TOP3A: variants seen among roughly 807,000 people sequenced by gnomAD.
The protein encoded by TOP3A is DNA topoisomerase 3-alpha.
In TOP3A, 64 loss-of-function variants were observed where a neutral mutation model predicts 111.3. The observed-to-expected ratio is 0.57, with a 90% CI of 0.47 to 0.71. The LOEUF (loss-of-function observed/expected upper bound fraction) is 0.71, where lower values mean the gene tolerates loss of function less well. Ranked by LOEUF, TOP3A falls within the 30% of genes least tolerant of loss-of-function variation. The probability of loss-of-function intolerance (pLI) is 0.00; values close to 1 mark genes in which losing one functional copy is unlikely to be tolerated. For synonymous variants in TOP3A, 484 were observed against 485.1 expected, an observed-to-expected ratio of 1.00 and a Z score of 0.03; for missense variants, 1,104 against 1,285.0, an observed-to-expected ratio of 0.86 and a Z score of 2.15.
chr17:18,291,130 A>T, intron 11 of TOP3A, 103 bp from the exon 12 acceptor site: 1 of 1,183,548 alleles, frequency 8.4e-7, no homozygotes, highest in Non-Finnish European at 1.2e-6. Flanking sequence ...AGAAGAGGCC[A>T]CACTGCTCCT....
chr17:18,312,472 T>G, intron 1 of TOP3A: 1 of 157,570 alleles, frequency 6.3e-6, no homozygotes, highest in Non-Finnish European at 1.4e-5. Context: ...CCTGCACCAC[T>G]GTCACCTTCA....
rs116687037 is a variant in TOP3A at position 18,273,532 on chromosome 17, G to A, written c.*1270C>T. On this transcript the variant is annotated 3_prime_UTR_variant, in exon 19 of 19. Transcript: ENST00000321105. The stretch of plus-strand genomic sequence containing the variant: ...AGAGGCTGACGAGACCTCCCAGGGT[G>A]AGCTCCTTCCAGCACTGGCTGGTAC... 6.0e-3 allele frequency among the ~76,000 whole-genome samples: 910 copies of A among 151,842 alleles called. 12 individuals carry two copies. Among genetic ancestry groups the A allele is most frequent in the African/African-American group, 0.02 (843 of 41,508 alleles).
At chr17:18,311,645 C>T (rs529643724) in intron 1 of TOP3A, among the ~76,000 whole-genome samples, 4 of 152,264 alleles carry the variant, frequency 2.6e-5, no homozygotes, top group East Asian at 3.9e-4. Context: ...CCATATTAGG[C>T]GTTAGGACAT....
rs1439144469 is a variant in TOP3A at position 18,273,720 on chromosome 17, C to T, written c.*1082G>A. Among the ~76,000 whole-genome samples the T allele has an allele frequency of 6.6e-6, 1 of 152,196 alleles. No individual in the cohort carries two copies. The highest frequency in any genetic ancestry group is 6.5e-5 in the Admixed American group (1 of 15,276). On this transcript the variant is annotated 3_prime_UTR_variant, in exon 19 of 19. Transcript: ENST00000321105. ...TCATGGCTTGCTGCAGCCTCAAACT[C>T]TTGGGTTCAAAGGATCCTCCCACTT... is the stretch of plus-strand genomic sequence containing the variant.
At chr17:18,281,339 A>G (rs1363225483) in intron 16 of TOP3A, among the ~76,000 whole-genome samples, 1 of 152,178 alleles carries the variant, frequency 6.6e-6, no homozygotes, top group African/African-American at 2.4e-5. Flanking sequence ...TAACAGATAA[A>G]TCATGGAGTG....
intron 3 of TOP3A, 97 bp downstream of exon 3, chr17:18,308,254 A>G (rs1378696749): frequency 2.2e-6 from 1 of 463,520 alleles, no homozygotes; most frequent in African/African-American, 2.2e-5. Context: ...AAAAAAAAAA[A>G]AAAAATTACC....
intron 18 of TOP3A, among the ~76,000 whole-genome samples, chr17:18,276,981 C>T (rs557771359): frequency 2.6e-5 from 4 of 152,176 alleles, no homozygotes; most frequent in East Asian, 1.9e-4. Flanking sequence ...AGGTGGAGTT[C>T]GAGACCAGCC....
In TOP3A at chr17:18,272,467, A is replaced by G. The variant is rs1221944100; in HGVS notation, c.*2335T>C. Among the ~76,000 whole-genome samples the G allele has an allele frequency of 2.0e-5, 3 of 152,242 alleles. No individual in the cohort carries two copies. Among genetic ancestry groups the G allele is most frequent in the Non-Finnish European group, 4.4e-5 (3 of 68,038 alleles). On this transcript the variant is annotated 3_prime_UTR_variant, in exon 19 of 19. Transcript: ENST00000321105. ...ACTGAAAACAAGTCATCAGACACTC[A>G]TACACCAATGTTCACAACAGTGCTA...
Position 18,277,652 on chromosome 17 carries a change from TC to T in TOP3A, c.2827+22del. ...ACACCTGAAAACTGAAGGCAGGGAT[TC>T]CCATGCCCCTCCCTGCCTCACCTGG... is the stretch of plus-strand genomic sequence containing the variant. On this transcript the variant is annotated intron_variant, in intron 18 of 18. Coordinates refer to ENST00000321105, the MANE Select transcript of TOP3A (RefSeq NM_004618.5). 3.2e-6 allele frequency: 5 copies of T among 1,584,960 alleles called. No individual in the cohort carries two copies. The South Asian group carries it at 4.5e-5, about 14-fold the overall frequency.
At chr17:18,294,922 CCAA>C (rs1043055371) in intron 9 of TOP3A, 137 bp from the exon 10 acceptor site, 11 of 628,370 alleles carry the variant, frequency 1.8e-5, no homozygotes, top group South Asian at 3.9e-5. Context: ...AAAAGGCTGC[CCAA>C]CAACGATTTC....
At position 18,302,355 on chromosome 17, in the gene TOP3A, G is replaced by A. The variant is rs746743474; in HGVS notation, c.723C>T (p.Tyr241=). Residue 241 remains tyrosine, a synonymous_variant, in exon 7 of 19, where the codon TAC becomes TAT. Transcript: ENST00000321105. ...PEVLAEQLIS[Y]GSCQFPTLGF... ...CCAGTGTGGGGAACTGGCAGCTGCCGTAACTGATGAGCTGCTCTGCCAGCA... is the reference window on the plus strand; with the variant it reads ...CCAGTGTGGGGAACTGGCAGCTGCCATAACTGATGAGCTGCTCTGCCAGCA... The A allele has an allele frequency of 1.7e-5, 27 of 1,613,336 alleles. No individual in the cohort carries two copies. The South Asian group carries it at 2.2e-4, about 13-fold the overall frequency.
chr17:18,297,952 G>A (rs1243082750), intron 9 of TOP3A, among the ~76,000 whole-genome samples: 10 of 149,976 alleles, frequency 6.7e-5, no homozygotes, highest in Admixed American at 4.0e-4. Context: ...GTCTCTGCCC[G>A]GCCGCCATCC....
intron 8 of TOP3A, 120 bp downstream of exon 8, chr17:18,301,765 C>T: frequency 1.3e-6 from 1 of 766,520 alleles, no homozygotes; most frequent in South Asian, 1.9e-5. Flanking sequence ...AAAAGTGATC[C>T]CCTGAGATGC....
chr17:18,291,738 CAG>C (rs1163341995), intron 11 of TOP3A, among the ~76,000 whole-genome samples: 5 of 151,414 alleles, frequency 3.3e-5, no homozygotes, highest in Non-Finnish European at 7.4e-5. Context: ...TTTTCCGAGA[CAG>C]AGTCTCACTC....
At chr17:18,300,083 A>T (rs1981130361) in intron 8 of TOP3A, among the ~76,000 whole-genome samples, 1 of 152,182 alleles carries the variant, frequency 6.6e-6, no homozygotes, top group Non-Finnish European at 1.5e-5. Flanking sequence ...TAAAAAAAAA[A>T]TTCAGGATAA....
chr17:18,284,012 T>C (rs1597960613), intron 15 of TOP3A, among the ~76,000 whole-genome samples: 2 of 152,246 alleles, frequency 1.3e-5, no homozygotes, highest in East Asian at 3.9e-4. Context: ...TTTGTTTTTG[T>C]TGTTGTTGAA....
At chr17:18,305,780 G>A (rs1981543693) in intron 4 of TOP3A, among the ~76,000 whole-genome samples, 1 of 152,178 alleles carries the variant, frequency 6.6e-6, no homozygotes, top group Admixed American at 6.5e-5. Context: ...GCAGCTTGCA[G>A]TGAGTCGAGA....
At chr17:18,310,451 G>A (rs186856310) in intron 1 of TOP3A, among the ~76,000 whole-genome samples, 1 of 152,062 alleles carries the variant, frequency 6.6e-6, no homozygotes, top group Non-Finnish European at 1.5e-5. Flanking sequence ...AAGGAATGAA[G>A]AACTGATATT....
chr17:18,277,830 C>T lies in TOP3A; in HGVS notation c.2672G>A (p.Ser891Asn), dbSNP rs1273802195. The T allele has an allele frequency of 6.2e-7, 1 of 1,614,052 alleles. No individual in the cohort carries two copies. The highest frequency in any genetic ancestry group is 2.2e-5 in the East Asian group (1 of 44,892). The change falls in exon 18 of 19, where the codon AGT becomes AAT. Residue 891 changes from serine (S) to asparagine (N), a missense_variant. Coordinates refer to ENST00000321105, the MANE Select transcript of TOP3A (RefSeq NM_004618.5). Reference sequence around the variant, plus strand: ...GCAAAGGCAGGATGTGCCACTACCACTGCCATCACCAGGGTTGCCAAACCC... The same window carrying T: ...GCAAAGGCAGGATGTGCCACTACCATTGCCATCACCAGGGTTGCCAAACCC... ...LGGFGNPGDG[S>N]GSGTSCLCSQ...
Sources: gnomAD v4.1 joint callset for allele counts (sites outside exome capture counted in the v4.1 genomes callset) on GRCh38, gnomAD v4.1.1 for gene constraint, MANE v1.5 for transcripts, NCBI Gene and HGNC (gene_info 2026-07-23, HGNC 2026-07-21) for gene names.